Variants in DPP10 observed in about 807,000 individuals in gnomAD.
The protein encoded by DPP10 is dipeptidyl peptidase like 10, also known as inactive dipeptidyl peptidase 10.
In DPP10, 33 loss-of-function variants were observed where a neutral mutation model predicts 120.9. The observed-to-expected ratio is 0.27, with a 90% confidence interval of 0.21 to 0.37. The LOEUF is 0.37. Ranked by LOEUF, DPP10 falls within the 10% of genes least tolerant of loss-of-function variation. The pLI is 1.00. For synonymous variants in DPP10, 337 were observed against 326.1 expected, an observed-to-expected ratio of 1.03 and a Z score of -0.36; for missense variants, 816 against 942.8, an observed-to-expected ratio of 0.87 and a Z score of 1.76.
intron 5 of DPP10, among the ~76,000 whole-genome samples, chr2:115,629,620 A>T (rs1468916170): frequency 6.6e-6 from 1 of 152,006 alleles, no homozygotes; most frequent in East Asian, 1.9e-4. Context: ...TTCTTTTGAG[A>T]CGTGTCTGTT....
intron 1 of DPP10, among the ~76,000 whole-genome samples, chr2:115,133,791 G>C (rs2050507233): frequency 1.3e-5 from 2 of 152,140 alleles, no homozygotes; most frequent in African/African-American, 4.8e-5. Context: ...TTATCTATTT[G>C]TGTTTTAATC....
chr2:114,821,642 A>C (rs947462187), intron 1 of DPP10, among the ~76,000 whole-genome samples: 1 of 152,192 alleles, frequency 6.6e-6, no homozygotes, highest in African/African-American at 2.4e-5. Flanking sequence ...GTCTAAAACA[A>C]AAAGGAAGTT....
intron 1 of DPP10, among the ~76,000 whole-genome samples, chr2:114,614,492 A>G (rs997851492): frequency 2.0e-5 from 3 of 152,168 alleles, no homozygotes; most frequent in African/African-American, 7.2e-5. Flanking sequence ...ATCTATCCAA[A>G]ACATCCAAAG....
chr2:115,239,926 A>T (rs566846060), intron 1 of DPP10, among the ~76,000 whole-genome samples: 4 of 152,222 alleles, frequency 2.6e-5, no homozygotes, highest in Non-Finnish European at 5.9e-5. Flanking sequence ...TGCAAAGGAC[A>T]TGAACTCATC....
chr2:115,746,259 A>G (rs1677957992), intron 10 of DPP10, 76 bp downstream of exon 10: 14 of 1,275,110 alleles, frequency 1.1e-5, no homozygotes, highest in Admixed American at 3.7e-5. Flanking sequence ...CAATTTAGAG[A>G]GAGATGTGAT....
intron 1 of DPP10, among the ~76,000 whole-genome samples, chr2:114,930,761 A>G (rs1406567706): frequency 6.6e-6 from 1 of 151,814 alleles, no homozygotes; most frequent in Non-Finnish European, 1.5e-5. Context: ...GCTGTCTTCA[A>G]TCACAGTGGA....
intron 1 of DPP10, among the ~76,000 whole-genome samples, chr2:115,251,728 C>A (rs1390969917): frequency 6.6e-6 from 1 of 152,088 alleles, no homozygotes; most frequent in Non-Finnish European, 1.5e-5. Context: ...TGAATCTGAA[C>A]CCCAAGCATA....
chr2:115,177,012 T>G (rs2053736615), intron 1 of DPP10, among the ~76,000 whole-genome samples: 2 of 152,232 alleles, frequency 1.3e-5, no homozygotes, highest in African/African-American at 4.8e-5. Context: ...TCAAAAATAT[T>G]TTAAGACAAA....
chr2:115,147,222 C>G (rs561774710), intron 1 of DPP10, among the ~76,000 whole-genome samples: 1 of 151,076 alleles, frequency 6.6e-6, no homozygotes, highest in African/African-American at 2.4e-5. Context: ...CATAGTATAC[C>G]ATAATATACT....
chr2:115,805,816 C>T (rs541782537), intron 19 of DPP10, among the ~76,000 whole-genome samples: 1 of 152,198 alleles, frequency 6.6e-6, no homozygotes, highest in African/African-American at 2.4e-5. Context: ...CTCAGGTGGT[C>T]CGCCTGCATT....
chr2:114,743,031 C>G (rs996319397), intron 1 of DPP10, among the ~76,000 whole-genome samples: 1 of 152,194 alleles, frequency 6.6e-6, no homozygotes, highest in Non-Finnish European at 1.5e-5. Flanking sequence ...CTTAATCACA[C>G]CTAATTCCAA....
intron 1 of DPP10, among the ~76,000 whole-genome samples, chr2:114,977,174 GT>G (rs986135428): frequency 6.6e-6 from 1 of 151,946 alleles, no homozygotes; most frequent in African/African-American, 2.4e-5. Context: ...TATTAAATAT[GT>G]TTACATCTTG....
chr2:114,444,510 C>A (rs1280746775), intron 1 of DPP10, among the ~76,000 whole-genome samples: 1 of 152,056 alleles, frequency 6.6e-6, no homozygotes, highest in Non-Finnish European at 1.5e-5. Flanking sequence ...CTACTACTTT[C>A]AGAGACTTCA....
intron 1 of DPP10, among the ~76,000 whole-genome samples, chr2:115,135,537 G>A (rs756076437): frequency 6.6e-6 from 1 of 152,084 alleles, no homozygotes; most frequent in Non-Finnish European, 1.5e-5. Flanking sequence ...AGGTAGAATG[G>A]CCCATCTGTT....
chr2:115,821,687 C>T (rs1687832705), intron 21 of DPP10, among the ~76,000 whole-genome samples: 1 of 151,448 alleles, frequency 6.6e-6, no homozygotes, highest in African/African-American at 2.4e-5. Context: ...TTTTCTCTTT[C>T]ATTCTTTTTT....
chr2:115,779,906 G>A (rs1682547316), intron 15 of DPP10, among the ~76,000 whole-genome samples: 1 of 151,988 alleles, frequency 6.6e-6, no homozygotes, highest in Non-Finnish European at 1.5e-5. Context: ...TCATCTCACA[G>A]TGTTTCAAAT....
chr2:114,496,334 G>A (rs539660139), intron 1 of DPP10, among the ~76,000 whole-genome samples: 2 of 152,268 alleles, frequency 1.3e-5, no homozygotes, highest in South Asian at 2.1e-4. Flanking sequence ...CACCTCTAAT[G>A]AGAGTGTTGC....
chr2:115,340,072 T>C (rs982849108), intron 2 of DPP10, among the ~76,000 whole-genome samples: 1 of 152,196 alleles, frequency 6.6e-6, no homozygotes, highest in African/African-American at 2.4e-5. Flanking sequence ...TTCTCTGTAA[T>C]ATTTCTTGCA....
At chr2:115,765,152 C>G (rs377280074) in intron 12 of DPP10, among the ~76,000 whole-genome samples, 40 of 152,074 alleles carry the variant, frequency 2.6e-4, no homozygotes, top group Middle Eastern at 3.4e-3. Flanking sequence ...ATTTTTTAGT[C>G]CAGCAAGGCA....
Sources: allele counts gnomAD v4.1 joint callset (sites outside exome capture counted in the v4.1 genomes callset), GRCh38; gene constraint gnomAD v4.1.1; transcripts MANE v1.5; gene names NCBI Gene and HGNC (gene_info 2026-07-23, HGNC 2026-07-21).